KANK1: variants seen among roughly 807,000 people sequenced by gnomAD.
The protein encoded by KANK1 is KN motif and ankyrin repeat domain-containing protein 1.
A neutral mutation model predicts 106.2 loss-of-function variants in KANK1; 109 were observed. The ratio of observed to expected loss-of-function variants is 1.03; its 90% CI spans 0.88 to 1.20. The LOEUF (loss-of-function observed/expected upper bound fraction) is 1.20. Ranked by LOEUF, KANK1 falls within the 50% of genes most tolerant of loss-of-function variation. KANK1 has a pLI of 0.00. For missense variants in KANK1, 2,399 were observed against 1,710.7 expected, an observed-to-expected ratio of 1.40 and a Z score of -7.10; for synonymous variants, 873 against 652.2, an observed-to-expected ratio of 1.34 and a Z score of -5.16.
intron 8 of KANK1, among the ~76,000 whole-genome samples, chr9:740,020 T>C (rs1834976913): frequency 6.6e-6 from 1 of 152,202 alleles, no homozygotes; most frequent in African/African-American, 2.4e-5. Flanking sequence ...TACCTTTTAT[T>C]TTCCTTTATG....
chr9:536,412 C>T (rs2060303483), intron 1 of KANK1, among the ~76,000 whole-genome samples: 2 of 113,762 alleles, frequency 1.8e-5, no homozygotes, highest in Admixed American at 1.7e-4. Context: ...ACACAGGTCT[C>T]ACTGGAATAA....
At chr9:500,428 T>C (rs1364434418), upstream of KANK1, among the ~76,000 whole-genome samples, 4 of 152,350 alleles carry the variant, frequency 2.6e-5, no homozygotes, top group South Asian at 8.3e-4. Flanking sequence ...CATTAACAAG[T>C]GCTTCAGTTG....
chr9:624,367 T>G (rs1833866571), intron 1 of KANK1, among the ~76,000 whole-genome samples: 1 of 152,212 alleles, frequency 6.6e-6, no homozygotes, highest in African/African-American at 2.4e-5. Flanking sequence ...ATGTGTTGAT[T>G]AATTTGATTA....
chr9:609,345 A>T (rs1030195792), intron 1 of KANK1, among the ~76,000 whole-genome samples: 6 of 152,130 alleles, frequency 3.9e-5, no homozygotes, highest in African/African-American at 1.4e-4. Context: ...TAGAATCAAT[A>T]GGCTGGGCAT....
At chr9:484,759 A>C (rs557357227) in intron 3 of KANK1, among the ~76,000 whole-genome samples, 9 of 152,316 alleles carry the variant, frequency 5.9e-5, no homozygotes, top group African/African-American at 2.2e-4. Context: ...CACCTCCCAC[A>C]TCTGTGGCCT....
chr9:564,301 C>G (rs184519610), intron 1 of KANK1, among the ~76,000 whole-genome samples: 1 of 151,936 alleles, frequency 6.6e-6, no homozygotes, highest in African/African-American at 2.4e-5. Flanking sequence ...GACCTCATGA[C>G]TCCGCCCGCC....
At chr9:725,599 AAGT>A (rs1440999696) in intron 3 of KANK1, among the ~76,000 whole-genome samples, 1 of 152,104 alleles carries the variant, frequency 6.6e-6, no homozygotes, top group Non-Finnish European at 1.5e-5. Flanking sequence ...AAACCAGTCA[AAGT>A]AGACCACCTG....
At chr9:701,721 T>C (rs1822718166) in intron 2 of KANK1, among the ~76,000 whole-genome samples, 1 of 152,156 alleles carries the variant, frequency 6.6e-6, no homozygotes, top group Admixed American at 6.5e-5. Context: ...TTACCTCCAG[T>C]TGAGAATCAC....
At chr9:727,350 C>T (rs941801220) in intron 3 of KANK1, among the ~76,000 whole-genome samples, 1 of 151,698 alleles carries the variant, frequency 6.6e-6, no homozygotes, top group South Asian at 2.1e-4. Context: ...GAGTCTCGCT[C>T]TGCCGCCCAG....
intron 1 of KANK1, among the ~76,000 whole-genome samples, chr9:511,269 A>T (rs753363590): frequency 1.2e-4 from 18 of 152,348 alleles, no homozygotes; most frequent in Non-Finnish European, 2.4e-4. Context: ...TGCTTGACAC[A>T]TAATACCATG....
At chr9:622,777 C>T (rs976180901) in intron 1 of KANK1, among the ~76,000 whole-genome samples, 8 of 152,020 alleles carry the variant, frequency 5.3e-5, no homozygotes, top group Admixed American at 1.3e-4. Flanking sequence ...GTGGCAGCAC[C>T]TGTAATCCCA....
intron 1 of KANK1, among the ~76,000 whole-genome samples, chr9:603,910 G>C (rs554038349): frequency 2.8e-5 from 4 of 141,554 alleles, no homozygotes; most frequent in South Asian, 4.5e-4. Context: ...AGTGAGCCAA[G>C]ATCACGTCAC....
intron 3 of KANK1, among the ~76,000 whole-genome samples, chr9:498,150 A>T (rs577597466): frequency 2.6e-5 from 4 of 152,298 alleles, no homozygotes; most frequent in Non-Finnish European, 2.9e-5. Context: ...ACAGGTAGGT[A>T]TTACTGCCAT....
chr9:511,266 C>A (rs555360336), intron 1 of KANK1, among the ~76,000 whole-genome samples: 1 of 152,148 alleles, frequency 6.6e-6, no homozygotes, highest in African/African-American at 2.4e-5. Context: ...CAGTGCTTGA[C>A]ACATAATACC....
At chr9:504,822 C>T (rs1207823425) in intron 1 of KANK1, 68 bp downstream of exon 1, 2 of 116,602 alleles carry the variant, frequency 1.7e-5, no homozygotes. Flanking sequence ...CGCGAGGCCC[C>T]TACCCCTGCC....
intron 1 of KANK1, among the ~76,000 whole-genome samples, chr9:514,716 G>A (rs2059204737): frequency 6.6e-6 from 1 of 151,664 alleles, no homozygotes; most frequent in Non-Finnish European, 1.5e-5. Context: ...TAGGTTTCTA[G>A]TTTTGGACCA....
intron 1 of KANK1, among the ~76,000 whole-genome samples, chr9:663,812 CT>C (rs750111687): frequency 3.9e-5 from 6 of 152,140 alleles, no homozygotes; most frequent in Non-Finnish European, 7.3e-5. Flanking sequence ...CAGTGCAGCC[CT>C]TGTGTACACT....
intron 1 of KANK1, among the ~76,000 whole-genome samples, chr9:553,112 C>T (rs1323056238): frequency 6.6e-6 from 1 of 152,150 alleles, no homozygotes; most frequent in Non-Finnish European, 1.5e-5. Context: ...TGTTACTGCA[C>T]TCCAGCCTGG....
intron 1 of KANK1, among the ~76,000 whole-genome samples, chr9:609,268 A>T (rs1830036022): frequency 6.6e-6 from 1 of 152,232 alleles, no homozygotes; most frequent in African/African-American, 2.4e-5. Context: ...TGTAAATTAA[A>T]TAGATTTGCT....
Sources: gnomAD v4.1 joint callset for allele counts (sites outside exome capture counted in the v4.1 genomes callset) on GRCh38, gnomAD v4.1.1 for gene constraint, MANE v1.5 for transcripts, NCBI Gene and HGNC (gene_info 2026-07-23, HGNC 2026-07-21) for gene names.